The following PTPRD variants were observed in gnomAD, a reference collection of about 807,000 sequenced individuals.
The protein encoded by PTPRD is protein tyrosine phosphatase receptor type D.
A neutral mutation model predicts 214.5 loss-of-function variants in PTPRD; 34 were observed. The observed-to-expected ratio is 0.16, with a 90% CI of 0.12 to 0.21. PTPRD has a LOEUF of 0.21. Ranked by LOEUF, PTPRD falls within the 10% of genes least tolerant of loss-of-function variation. The pLI is 1.00. For synonymous variants in PTPRD, 1,128 were observed against 845.7 expected (o/e 1.33, Z -5.79); for missense variants, 2,545 against 2,398.7 (o/e 1.06, Z -1.27).
chr9:9,102,897 G>T (rs941672870), intron 10 of PTPRD, among the ~76,000 whole-genome samples: 1 of 152,114 alleles, frequency 6.6e-6, no homozygotes, highest in South Asian at 2.1e-4. Flanking sequence ...ATGAATTAAC[G>T]CTATAATTTG....
At chr9:8,828,580 C>T (rs1006721949) in intron 11 of PTPRD, among the ~76,000 whole-genome samples, 6 of 152,100 alleles carry the variant, frequency 3.9e-5, no homozygotes, top group African/African-American at 1.4e-4. Context: ...AGATGTTATG[C>T]TTGTTAGTAG....
intron 7 of PTPRD, among the ~76,000 whole-genome samples, chr9:9,683,074 T>C (rs2097104721): frequency 6.6e-6 from 1 of 151,854 alleles, no homozygotes; most frequent in African/African-American, 2.4e-5. Flanking sequence ...TTAAATATAA[T>C]GCTTATGGCA....
intron 5 of PTPRD, among the ~76,000 whole-genome samples, chr9:9,887,795 A>C (rs1238482468): frequency 2.0e-5 from 3 of 152,144 alleles, no homozygotes; most frequent in African/African-American, 7.2e-5. Context: ...GGAGGGGGCA[A>C]TATTTTTAAA....
chr9:9,490,715 T>A (rs1045835704), intron 8 of PTPRD, among the ~76,000 whole-genome samples: 2 of 151,804 alleles, frequency 1.3e-5, no homozygotes, highest in Non-Finnish European at 2.9e-5. Flanking sequence ...AGAAAGCAGC[T>A]ATAAAATATA....
intron 11 of PTPRD, among the ~76,000 whole-genome samples, chr9:8,772,601 C>T (rs957473694): frequency 6.6e-6 from 1 of 151,856 alleles, no homozygotes; most frequent in Non-Finnish European, 1.5e-5. Context: ...TATGACTACG[C>T]CACTGCAATC....
intron 11 of PTPRD, among the ~76,000 whole-genome samples, chr9:8,766,600 T>C (rs908308824): frequency 8.5e-5 from 13 of 152,362 alleles, no homozygotes; most frequent in Middle Eastern, 3.4e-3. Flanking sequence ...CCTATGTTTG[T>C]AATTGATTGC....
At chr9:9,917,397 A>C (rs372575866) in intron 5 of PTPRD, among the ~76,000 whole-genome samples, 1 of 148,308 alleles carries the variant, frequency 6.7e-6, no homozygotes, top group East Asian at 2.0e-4. Context: ...AAACATTATT[A>C]GAGACCACCA....
intron 10 of PTPRD, among the ~76,000 whole-genome samples, chr9:9,109,979 C>T (rs767387693): frequency 6.6e-6 from 1 of 151,904 alleles, no homozygotes; most frequent in African/African-American, 2.4e-5. Flanking sequence ...TCTGGGGGTA[C>T]TCAACGAAAT....
chr9:9,861,251 T>A (rs1214021620), intron 5 of PTPRD, among the ~76,000 whole-genome samples: 1 of 152,148 alleles, frequency 6.6e-6, no homozygotes, highest in Non-Finnish European at 1.5e-5. Context: ...GGTATGAAAG[T>A]AATTAAGATT....
intron 7 of PTPRD, among the ~76,000 whole-genome samples, chr9:9,652,614 C>A (rs942225918): frequency 1.5e-4 from 23 of 151,458 alleles, no homozygotes; most frequent in African/African-American, 5.6e-4. Flanking sequence ...AAATAATATA[C>A]CACTTTTTTT....
At chr9:8,519,158 T>G (rs1441435981) in intron 20 of PTPRD, among the ~76,000 whole-genome samples, 1 of 152,176 alleles carries the variant, frequency 6.6e-6, no homozygotes, top group Admixed American at 6.5e-5. Context: ...TAAAAATTGC[T>G]GAAGGAAGTA....
chr9:9,464,604 C>G (rs1262254901), intron 8 of PTPRD, among the ~76,000 whole-genome samples: 1 of 151,976 alleles, frequency 6.6e-6, no homozygotes, highest in Non-Finnish European at 1.5e-5. Context: ...TTCTGTTATT[C>G]CTGCTTGGTT....
intron 33 of PTPRD, among the ~76,000 whole-genome samples, chr9:8,453,557 C>G (rs1428053914): frequency 6.6e-6 from 1 of 152,194 alleles, no homozygotes; most frequent in Non-Finnish European, 1.5e-5. Context: ...TTCTGCTGGA[C>G]AAATGGATAC....
chr9:9,781,114 A>G (rs917164687), intron 5 of PTPRD, among the ~76,000 whole-genome samples: 1 of 152,162 alleles, frequency 6.6e-6, no homozygotes, highest in African/African-American at 2.4e-5. Flanking sequence ...CATGGTGGAC[A>G]TTAGGTATTA....
intron 11 of PTPRD, among the ~76,000 whole-genome samples, chr9:8,793,912 G>A (rs773373553): frequency 2.0e-5 from 3 of 152,172 alleles, no homozygotes; most frequent in Non-Finnish European, 2.9e-5. Context: ...CAGAGGAAGA[G>A]GTCTGGCTGG....
At chr9:9,267,115 C>T (rs777742598) in intron 9 of PTPRD, among the ~76,000 whole-genome samples, 16 of 151,208 alleles carry the variant, frequency 1.1e-4, no homozygotes, top group South Asian at 2.1e-4. Flanking sequence ...TGGATCACCA[C>T]GCATTATATG....
chr9:10,436,958 G>C (rs1022772516), intron 2 of PTPRD, among the ~76,000 whole-genome samples: 1 of 151,808 alleles, frequency 6.6e-6, no homozygotes, highest in African/African-American at 2.4e-5. Context: ...CAACTTGTCA[G>C]TTAAGTGTCA....
chr9:9,361,157 G>A (rs1272571276), intron 9 of PTPRD, among the ~76,000 whole-genome samples: 1 of 151,056 alleles, frequency 6.6e-6, no homozygotes, highest in Non-Finnish European at 1.5e-5. Context: ...GGACCCTATA[G>A]GTCAAAGGCT....
At chr9:9,927,616 A>G (rs73402655) in intron 5 of PTPRD, among the ~76,000 whole-genome samples, 12,829 of 152,184 alleles carry the variant, frequency 0.084, 1,805 homozygotes, top group African/African-American at 0.29. Flanking sequence ...GCGTGTGTGT[A>G]CATAATAACA....
Sources: gnomAD v4.1 joint callset for allele counts (sites outside exome capture counted in the v4.1 genomes callset) on GRCh38, gnomAD v4.1.1 for gene constraint, MANE v1.5 for transcripts, NCBI Gene and HGNC (gene_info 2026-07-23, HGNC 2026-07-21) for gene names.